The following IRAK4 variants were observed in gnomAD, a reference collection of about 807,000 sequenced individuals.
IRAK4 encodes interleukin-1 receptor-associated kinase 4.
A neutral mutation model predicts 51.8 loss-of-function variants in IRAK4; 44 were observed. The ratio of observed to expected loss-of-function variants is 0.85; its 90% confidence interval spans 0.67 to 1.09. The LOEUF (loss-of-function observed/expected upper bound fraction) is 1.09. IRAK4 is among the 50% of genes least tolerant of loss of function. The pLI is 0.00. For synonymous variants in IRAK4, 149 were observed against 174.1 expected, an observed-to-expected ratio of 0.86 and a Z score of 1.13; for missense variants, 487 against 538.0, an observed-to-expected ratio of 0.91 and a Z score of 0.94.
Position 43,771,250 on chromosome 12 carries a change from A to T in IRAK4, c.192A>T (p.Lys64Asn), listed in dbSNP as rs1940729401. ...RRFEALLQTG[K>N]SPTSELLFDW... ...TTGAAGCATTACTTCAAACTGGAAAAAGTCCCACTTCTGAATTACTGTTTG... is the reference window on the plus strand; with the variant it reads ...TTGAAGCATTACTTCAAACTGGAAATAGTCCCACTTCTGAATTACTGTTTG... The change falls in exon 3 of 12, where the codon AAA (lysine) becomes AAT (asparagine). Residue 64 changes from lysine to asparagine, a missense_variant. Coordinates refer to ENST00000613694, the MANE Select transcript of IRAK4 (RefSeq NM_016123.4). The T allele has an allele frequency of 6.2e-7, 1 of 1,613,908 alleles. No homozygotes were observed. The highest frequency in any genetic ancestry group is 1.1e-5 in the South Asian group (1 of 91,080).
chr12:43,761,123 T>C (rs1052003271), intron 1 of IRAK4, among the ~76,000 whole-genome samples: 1 of 152,230 alleles, frequency 6.6e-6, no homozygotes, highest in Non-Finnish European at 1.5e-5. Flanking sequence ...GGCAGCCCTA[T>C]CTAATTTAAT....
In IRAK4 at chr12:43,768,086, A is replaced by G. The variant is rs373989354; in HGVS notation, c.-9-17A>G. 14 of 1,601,534 alleles carry G rather than the reference A, an allele frequency of 8.7e-6. No homozygotes were observed. Among genetic ancestry groups the G allele is most frequent in the Non-Finnish European group, 1.2e-5 (14 of 1,169,564 alleles). ...AAAAGTACTGTAAAATTTTAATGAG[A>G]TTTTTCCATATTTTAGGAATAGAAG... On this transcript the variant is annotated splice_polypyrimidine_tract_variant and intron_variant, in intron 1 of 11. Transcript: ENST00000613694.
At chr12:43,774,687 T>C (rs536244456) in intron 6 of IRAK4, among the ~76,000 whole-genome samples, 7 of 152,328 alleles carry the variant, frequency 4.6e-5, no homozygotes, top group African/African-American at 1.4e-4. Flanking sequence ...TAGGCCCTTA[T>C]ATATAAAGTA....
At chr12:43,778,362 C>T (rs1472132583) in intron 8 of IRAK4, 60 bp downstream of exon 8, 1 of 929,738 alleles carries the variant, frequency 1.1e-6, no homozygotes, top group Non-Finnish European at 1.8e-6. Context: ...TTTGCTGTCA[C>T]TCTATTCACG....
At chr12:43,768,014 A>G in intron 1 of IRAK4, 89 bp from the exon 2 acceptor site, 1 of 914,530 alleles carries the variant, frequency 1.1e-6, no homozygotes, top group South Asian at 1.4e-5. Context: ...CTGACATTTC[A>G]TATGATATAG....
At chr12:43,762,389 A>G (rs1350260473) in intron 1 of IRAK4, among the ~76,000 whole-genome samples, 4 of 152,140 alleles carry the variant, frequency 2.6e-5, no homozygotes, top group Admixed American at 2.6e-4. Context: ...ATTTTGCTCT[A>G]ATTTATAAGA....
At chr12:43,763,696 C>T (rs1939813584) in intron 1 of IRAK4, among the ~76,000 whole-genome samples, 1 of 151,914 alleles carries the variant, frequency 6.6e-6, no homozygotes, top group Non-Finnish European at 1.5e-5. Context: ...TTTCCCTACC[C>T]CTCCACCCCC....
In IRAK4 at chr12:43,783,599, G is replaced by T. The variant is rs4251530; in HGVS notation, c.1126-63G>T. The stretch of plus-strand genomic sequence containing the variant: ...GTCTCCCAAAGTGCTGGGATTACAG[G>T]CGTTAGCCACTGTGCCCAGCCTATC... On this transcript the variant is annotated intron_variant, in intron 9 of 11. Coordinates refer to ENST00000613694, the MANE Select transcript of IRAK4 (RefSeq NM_016123.4). 2,968 of 1,013,954 alleles carry T rather than the reference G, an allele frequency of 2.9e-3. 56 individuals carry two copies. In the African/African-American group the frequency reaches 0.04, roughly 14 times the overall value. 62.8% of individuals were successfully genotyped at this position (1,013,954 alleles called of 1,614,324 possible). A position where few individuals can be genotyped will look rare whatever the true frequency, so the allele number is the denominator to read the frequency against.
chr12:43,765,152 T>C (rs1448989823), intron 1 of IRAK4, among the ~76,000 whole-genome samples: 1 of 152,208 alleles, frequency 6.6e-6, no homozygotes, highest in African/African-American at 2.4e-5. Flanking sequence ...CTGATCTGGG[T>C]ACAACAGTTT....
At position 43,788,539 on chromosome 12, in the gene IRAK4, CTTTTTTTTT is replaced by C. The variant is rs538947924; in HGVS notation, c.*1834_*1842del. The C allele has an allele frequency of 9.2e-5, 12 of 130,582 alleles. No individual in the cohort carries two copies. Among genetic ancestry groups the C allele is most frequent in the African/African-American group, 3.6e-4 (12 of 33,778 alleles). 8.1% of individuals were successfully genotyped at this position (130,582 alleles called of 1,614,324 possible). A position where few individuals can be genotyped will look rare whatever the true frequency, so the allele number is the denominator to read the frequency against. On this transcript the variant is annotated 3_prime_UTR_variant, in exon 12 of 12. Coordinates refer to ENST00000613694, the MANE Select transcript of IRAK4 (RefSeq NM_016123.4). ...CATGGAATCAAGGAATATGTTAGGG[CTTTTTTTTT>C]TTTTTTTTTGAGACGGAGTCTTGCT...
intron 6 of IRAK4, among the ~76,000 whole-genome samples, chr12:43,776,255 T>G (rs1397943576): frequency 6.6e-6 from 1 of 152,200 alleles, no homozygotes; most frequent in Non-Finnish European, 1.5e-5. Context: ...TTCTATTCGT[T>G]AATTTTCTCA....
intron 10 of IRAK4, among the ~76,000 whole-genome samples, chr12:43,785,547 A>G (rs1942132069): frequency 6.6e-6 from 1 of 151,762 alleles, no homozygotes; most frequent in African/African-American, 2.4e-5. Context: ...ACATAGATAT[A>G]AAAATTGGAA....
At chr12:43,771,858 G>GCC in intron 3 of IRAK4, among the ~76,000 whole-genome samples, 1 of 152,106 alleles carries the variant, frequency 6.6e-6, no homozygotes, top group Non-Finnish European at 1.5e-5. Context: ...GGTTAAACAT[G>GCC]TAGTTTCCTA....
At chr12:43,782,014 A>G (rs1941815525) in intron 8 of IRAK4, among the ~76,000 whole-genome samples, 1 of 152,216 alleles carries the variant, frequency 6.6e-6, no homozygotes, top group African/African-American at 2.4e-5. Flanking sequence ...TCTCTTACTA[A>G]TGTAGACAGT....
chr12:43,761,936 A>G (rs1242425989), intron 1 of IRAK4, among the ~76,000 whole-genome samples: 1 of 152,220 alleles, frequency 6.6e-6, no homozygotes, highest in Non-Finnish European at 1.5e-5. Context: ...ACAGTCATGA[A>G]GGTATTTACT....
intron 1 of IRAK4, among the ~76,000 whole-genome samples, chr12:43,761,384 T>C (rs764034429): frequency 1.3e-5 from 2 of 152,196 alleles, no homozygotes; most frequent in South Asian, 2.1e-4. Flanking sequence ...GTTCTGGAAA[T>C]TGAACCTAAA....
At chr12:43,778,064 G>A in intron 7 of IRAK4, 129 bp from the exon 8 acceptor site, 1 of 653,482 alleles carries the variant, frequency 1.5e-6, no homozygotes. Flanking sequence ...ACTTAAAAAT[G>A]TAGTCCTAAA....
chr12:43,785,711 T>C (rs1000379648), intron 10 of IRAK4, among the ~76,000 whole-genome samples: 2 of 151,136 alleles, frequency 1.3e-5, no homozygotes, highest in Non-Finnish European at 2.9e-5. Flanking sequence ...AAATGTGTTG[T>C]TAGGCAGTTT....
chr12:43,765,324 T>C (rs1415060967), intron 1 of IRAK4, among the ~76,000 whole-genome samples: 1 of 152,246 alleles, frequency 6.6e-6, no homozygotes, highest in Non-Finnish European at 1.5e-5. Context: ...AAAATCGATG[T>C]GGATGGTCTG....
Sources: gnomAD v4.1 joint callset for allele counts (sites outside exome capture counted in the v4.1 genomes callset) on GRCh38, gnomAD v4.1.1 for gene constraint, MANE v1.5 for transcripts, NCBI Gene and HGNC (gene_info 2026-07-23, HGNC 2026-07-21) for gene names.